The following ZNF791 variants were observed in gnomAD, a reference collection of about 807,000 sequenced individuals.
ZNF791 encodes the protein zinc finger protein 791.
Under a neutral mutation model 11.5 loss-of-function variants are expected in ZNF791, and 4 were observed. The observed-to-expected ratio is 0.35, with a 90% CI of 0.17 to 0.80. ZNF791 has a LOEUF of 0.80. ZNF791 is among the 30% of genes least tolerant of loss of function. ZNF791 has a pLI of 0.53. For missense variants in ZNF791, 559 were observed against 699.4 expected (o/e 0.80, Z 2.26); for synonymous variants, 212 against 228.1 (o/e 0.93, Z 0.64).
At chr19:12,622,409 AAC>A (rs1419242787) in intron 1 of ZNF791, among the ~76,000 whole-genome samples, 29 of 106,578 alleles carry the variant, frequency 2.7e-4, no homozygotes, top group African/African-American at 1.2e-3. Flanking sequence ...GACTGTCTCA[AAC>A]AAAAAAAAAA....
At chr19:12,622,309 G>C (rs2023362733) in intron 1 of ZNF791, among the ~76,000 whole-genome samples, 1 of 139,102 alleles carries the variant, frequency 7.2e-6, no homozygotes, top group Non-Finnish European at 1.6e-5. Context: ...CCATGACCCT[G>C]TCAAATCCCC....
chr19:12,623,868 T>G lies in ZNF791; in HGVS notation c.130+42T>G, dbSNP rs373119796. On this transcript the variant is annotated intron_variant, in intron 2 of 3. Transcript: ENST00000343325. ...TTTTTCTTTTTTCTTTTTTTTTTTT[T>G]TTGGGGGGGGACAGAGTTTCACTAT... The G allele has an allele frequency of 4.7e-4, 408 of 873,162 alleles. 26 individuals are homozygous for G. The East Asian group carries it at 4.7e-3, about 10-fold the overall frequency. The allele number at this position is 873,162 out of a possible 1,614,324, so 54.1% of individuals were successfully genotyped here. A position where few individuals can be genotyped will look rare whatever the true frequency, so the allele number is the denominator to read the frequency against.
intron 1 of ZNF791, chr19:12,612,438 A>ATTTATTTATTAT (rs1555702300): frequency 1.5e-5 from 2 of 137,514 alleles, no homozygotes; most frequent in African/African-American, 5.6e-5. Context: ...TTATTTATTT[A>ATTTATTTATTAT]TTATTTATTT....
chr19:12,630,845 C>T lies in ZNF791; in HGVS notation c.*1585C>T, dbSNP rs1240967253. On this transcript the variant is annotated 3_prime_UTR_variant, in exon 4 of 4. Coordinates refer to ENST00000343325, the MANE Select transcript of ZNF791 (RefSeq NM_153358.3). ...CATAAAATATTTTTGTACAGCTGTA[C>T]AATGTGTTTTAAGCTAAATTATTAC... 1 of 151,984 alleles carries T rather than the reference C, an allele frequency of 6.6e-6. No homozygotes were observed. Among genetic ancestry groups the T allele is most frequent in the African/African-American group, 2.4e-5 (1 of 41,364 alleles). The allele number at this position is 151,984 out of a possible 1,614,324, so 9.4% of individuals were successfully genotyped here.
Position 12,628,249 on chromosome 19 carries a change from A to T in ZNF791, c.720A>T (p.Gly240=), listed in dbSNP as rs1238709616. The T allele has an allele frequency of 6.2e-7, 1 of 1,613,916 alleles. No homozygotes were observed. The highest frequency in any genetic ancestry group is 8.5e-7 in the Non-Finnish European group (1 of 1,179,902). Residue 240 remains glycine, a synonymous_variant, in exon 4 of 4, where the codon GGA becomes GGT. Transcript: ENST00000343325. ...GAGTACACGAAAGAACTCACACTGGAGAGAAACCCTATGCATGTAAGGAAT... is the reference window on the plus strand; with the variant it reads ...GAGTACACGAAAGAACTCACACTGGTGAGAAACCCTATGCATGTAAGGAAT... ...SIRVHERTHT[G]EKPYACKECG...
rs2023451285 is a variant in ZNF791, at chr19:12,627,834, G to GTAC, written c.308_310dup (p.Thr103dup). ...ACTGCCGGAGTAAAACCATATGAGT[G>GTAC]TACTATCTGTGGAAAAGCCTTCATG... On this transcript the variant is annotated inframe_insertion, in exon 4 of 4. Coordinates refer to ENST00000343325, the MANE Select transcript of ZNF791 (RefSeq NM_153358.3). 6.2e-7 allele frequency: 1 copy of GTAC among 1,614,112 alleles called. No individual in the cohort carries two copies. Among genetic ancestry groups the GTAC allele is most frequent in the South Asian group, 1.1e-5 (1 of 91,084 alleles).
intron 1 of ZNF791, 112 bp from the exon 2 acceptor site, chr19:12,623,588 C>A: frequency 3.0e-6 from 4 of 1,342,384 alleles, no homozygotes; most frequent in South Asian, 1.3e-5. Context: ...ACAATTGAGT[C>A]ATGCACTAAA....
At chr19:12,623,383 T>A in intron 1 of ZNF791, 1 of 296,660 alleles carries the variant, frequency 3.4e-6, no homozygotes, top group Non-Finnish European at 6.4e-6. Context: ...CCAGCCTAGG[T>A]AGCAGAGCGA....
In ZNF791 at chr19:12,610,953, T is replaced by G. The variant is rs2023146132; in HGVS notation, c.-127T>G. On this transcript the variant is annotated 5_prime_UTR_variant, in exon 1 of 4. Transcript: ENST00000343325. The stretch of plus-strand genomic sequence containing the variant: ...GCTACGTCACTGTGCGATCGGGTTG[T>G]GCTTAGCTTGGGGTCTCCTGGCCCC... 1.5e-6 allele frequency: 2 copies of G among 1,311,704 alleles called. No homozygotes were observed. The highest frequency in any genetic ancestry group is 1.7e-5 in the Admixed American group (1 of 57,792). 81.3% of individuals were successfully genotyped at this position (1,311,704 alleles called of 1,614,324 possible).
At chr19:12,613,785 C>T (rs1413906917) in intron 1 of ZNF791, among the ~76,000 whole-genome samples, 1 of 152,002 alleles carries the variant, frequency 6.6e-6, no homozygotes, top group African/African-American at 2.4e-5. Flanking sequence ...ATATGCCCAC[C>T]ATGGAAGGAT....
chr19:12,619,360 A>C (rs992632487), intron 1 of ZNF791, among the ~76,000 whole-genome samples: 1 of 152,136 alleles, frequency 6.6e-6, no homozygotes, highest in South Asian at 2.1e-4. Context: ...TTAAATTTAC[A>C]AACTTAAAAA....
At chr19:12,626,581 G>A (rs188674728) in intron 3 of ZNF791, among the ~76,000 whole-genome samples, 1 of 151,928 alleles carries the variant, frequency 6.6e-6, no homozygotes, top group African/African-American at 2.4e-5. Flanking sequence ...ACCATGCCAA[G>A]GTGTGGAAAC....
rs2023524962 is a variant in ZNF791, at chr19:12,633,684, A to G, written c.*4424A>G. On this transcript the variant is annotated 3_prime_UTR_variant, in exon 4 of 4. Coordinates refer to ENST00000343325, the MANE Select transcript of ZNF791 (RefSeq NM_153358.3). ...GCCCAAGCATCTATTTCAGACTGTC[A>G]TGGTTGGCATTGTTCTCTGAGGTTC... The G allele has an allele frequency of 6.6e-6, 1 of 152,090 alleles. No homozygotes were observed. The highest frequency in any genetic ancestry group is 1.5e-5 in the Non-Finnish European group (1 of 68,046). 9.4% of individuals were successfully genotyped at this position (152,090 alleles called of 1,614,324 possible).
intron 1 of ZNF791, among the ~76,000 whole-genome samples, chr19:12,621,713 T>TCGGG (rs1479950861): frequency 1.3e-5 from 1 of 76,186 alleles, no homozygotes; most frequent in Non-Finnish European, 3.3e-5. Flanking sequence ...AACCTCCACC[T>TCGGG]CGGTGGGGGG....
chr19:12,614,853 A>G (rs932280376), intron 1 of ZNF791, among the ~76,000 whole-genome samples: 18 of 126,394 alleles, frequency 1.4e-4, no homozygotes, highest in Non-Finnish European at 2.5e-4. Flanking sequence ...TTGGCCTCCC[A>G]GAGGGCTGGG....
Position 12,623,692 on chromosome 19 carries a change from T to C in ZNF791, c.4-8T>C, listed in dbSNP as rs780999707. 1 of 1,614,066 alleles carries C rather than the reference T, an allele frequency of 6.2e-7. No individual in the cohort carries two copies. Among genetic ancestry groups the C allele is most frequent in the Non-Finnish European group, 8.5e-7 (1 of 1,180,010 alleles). On this transcript the variant is annotated splice_region_variant and splice_polypyrimidine_tract_variant and intron_variant, in intron 1 of 3. Transcript: ENST00000343325. ...TCACCTATTCTCTACTTATATTGGATGTTTCAGGACTCAGTGGCTTTTGAG... is the reference window on the plus strand; with the variant it reads ...TCACCTATTCTCTACTTATATTGGACGTTTCAGGACTCAGTGGCTTTTGAG...
intron 1 of ZNF791, chr19:12,623,404 G>A (rs977414731): frequency 1.2e-4 from 42 of 348,500 alleles, no homozygotes; most frequent in African/African-American, 8.6e-4. Context: ...GACCATCTAT[G>A]TCTCAAAAAG....
At chr19:12,623,592 C>A in intron 1 of ZNF791, 108 bp from the exon 2 acceptor site, 5 of 1,375,414 alleles carry the variant, frequency 3.6e-6, no homozygotes, top group Non-Finnish European at 5.1e-6. Flanking sequence ...TTGAGTCATG[C>A]ACTAAATGTT....
chr19:12,620,942 G>C (rs1256593082), intron 1 of ZNF791, among the ~76,000 whole-genome samples: 1 of 151,404 alleles, frequency 6.6e-6, no homozygotes, highest in Non-Finnish European at 1.5e-5. Flanking sequence ...TGTATTTTTA[G>C]TAGAGGCAGG....
Sources: allele counts gnomAD v4.1 joint callset (sites outside exome capture counted in the v4.1 genomes callset), GRCh38; gene constraint gnomAD v4.1.1; transcripts MANE v1.5; gene names NCBI Gene and HGNC (gene_info 2026-07-23, HGNC 2026-07-21).